The following GRIK1 variants were observed in gnomAD, a reference collection of about 807,000 sequenced individuals.
GRIK1 encodes the protein glutamate ionotropic receptor kainate type subunit 1.
In GRIK1, 69 loss-of-function variants were observed where a neutral mutation model predicts 105.7. That is an observed-to-expected ratio of 0.65 (90% CI 0.54 to 0.80). The LOEUF is 0.80. Among genes scored for constraint, GRIK1 ranks in the 30% least tolerant of loss-of-function variants. The probability of loss-of-function intolerance (pLI) is 0.00; values close to 1 mark genes in which losing one functional copy is unlikely to be tolerated. For missense variants in GRIK1, 1,109 were observed against 1,167.3 expected, an observed-to-expected ratio of 0.95 and a Z score of 0.73; for synonymous variants, 438 against 431.3, an observed-to-expected ratio of 1.02 and a Z score of -0.19.
intron 7 of GRIK1, among the ~76,000 whole-genome samples, chr21:29,612,160 C>T (rs371707351): frequency 1.3e-4 from 20 of 152,316 alleles, no homozygotes; most frequent in South Asian, 1.0e-3. Context: ...TGACACATAG[C>T]GTTCTATTTG....
At chr21:29,585,371 T>G (rs1308551602) in intron 12 of GRIK1, among the ~76,000 whole-genome samples, 1 of 152,126 alleles carries the variant, frequency 6.6e-6, no homozygotes, top group Non-Finnish European at 1.5e-5. Flanking sequence ...ATAAGGAGAT[T>G]TAAGCGCACA....
intron 1 of GRIK1, among the ~76,000 whole-genome samples, chr21:29,747,744 G>T (rs1024735544): frequency 1.3e-5 from 2 of 152,164 alleles, no homozygotes; most frequent in Admixed American, 6.5e-5. Flanking sequence ...CAGGAGAATC[G>T]CTTGAACCTG....
At chr21:29,696,456 CTG>C (rs981713291) in intron 1 of GRIK1, among the ~76,000 whole-genome samples, 1 of 152,184 alleles carries the variant, frequency 6.6e-6, no homozygotes, top group African/African-American at 2.4e-5. Flanking sequence ...GGGAGAGACT[CTG>C]GAGTTGATTT....
chr21:29,678,604 C>T (rs572034926), intron 3 of GRIK1, among the ~76,000 whole-genome samples: 2 of 151,830 alleles, frequency 1.3e-5, no homozygotes, highest in South Asian at 4.2e-4. Context: ...GTCAAAGAAC[C>T]GAGGTGGGAG....
At chr21:29,740,615 A>G (rs2064903700) in intron 1 of GRIK1, among the ~76,000 whole-genome samples, 1 of 152,226 alleles carries the variant, frequency 6.6e-6, no homozygotes. Context: ...CTGCCAGAGC[A>G]ATGTCTTTGA....
chr21:29,916,844 A>G (rs2071017847), intron 1 of GRIK1, among the ~76,000 whole-genome samples: 2 of 151,966 alleles, frequency 1.3e-5, no homozygotes, highest in South Asian at 4.1e-4. Context: ...GTTGCATACT[A>G]AAAGGAGGAT....
intron 1 of GRIK1, among the ~76,000 whole-genome samples, chr21:29,835,935 C>T (rs1284331235): frequency 6.6e-6 from 1 of 152,128 alleles, no homozygotes; most frequent in Non-Finnish European, 1.5e-5. Flanking sequence ...TTTGTTTTCC[C>T]CAACCACGCA....
At chr21:29,638,603 G>A (rs150843616) in intron 7 of GRIK1, among the ~76,000 whole-genome samples, 63 of 152,268 alleles carry the variant, frequency 4.1e-4, no homozygotes, top group African/African-American at 1.4e-3. Context: ...ACATAAATAT[G>A]TCAAAGAAAC....
chr21:29,836,638 A>C (rs1163477851), intron 1 of GRIK1, among the ~76,000 whole-genome samples: 1 of 152,204 alleles, frequency 6.6e-6, no homozygotes, highest in East Asian at 1.9e-4. Context: ...TATTTAATAG[A>C]TAATGCACAC....
At chr21:29,686,703 C>T (rs1270830833) in intron 3 of GRIK1, among the ~76,000 whole-genome samples, 2 of 152,206 alleles carry the variant, frequency 1.3e-5, no homozygotes, top group Non-Finnish European at 1.5e-5. Flanking sequence ...ACCCCCATGG[C>T]CATAAAGCCT....
At chr21:29,852,787 C>T (rs2068348069) in intron 1 of GRIK1, among the ~76,000 whole-genome samples, 1 of 152,154 alleles carries the variant, frequency 6.6e-6, no homozygotes, top group Non-Finnish European at 1.5e-5. Flanking sequence ...TCCATCTTGG[C>T]ACTTGTGTCA....
At chr21:29,702,600 ACTCAGGAAGCTGAGGCAGGAGAATCG>A (rs2063832899) in intron 1 of GRIK1, among the ~76,000 whole-genome samples, 1 of 152,180 alleles carries the variant, frequency 6.6e-6, no homozygotes, top group Admixed American at 6.5e-5. Flanking sequence ...AATCCCAGCC[ACTCAGGAAGCTGAGGCAGGAGAATCG>A]CTTGAACTTG....
At chr21:29,788,571 A>G (rs1268312982) in intron 1 of GRIK1, among the ~76,000 whole-genome samples, 1 of 152,190 alleles carries the variant, frequency 6.6e-6, no homozygotes, top group Non-Finnish European at 1.5e-5. Context: ...TGGACCAAGG[A>G]GAGTGGGGAA....
At chr21:29,763,878 ACT>A (rs771499359) in intron 1 of GRIK1, 3 of 152,198 alleles carry the variant, frequency 2.0e-5, no homozygotes, top group Non-Finnish European at 4.4e-5. Context: ...ACTCTGGCAT[ACT>A]CTCTCAGTGT....
intron 7 of GRIK1, among the ~76,000 whole-genome samples, chr21:29,624,494 A>G (rs2062077795): frequency 6.6e-6 from 1 of 152,194 alleles, no homozygotes. Context: ...TTTAATATGG[A>G]ATCAATAAAA....
chr21:29,891,877 A>G (rs1168333056), intron 1 of GRIK1, among the ~76,000 whole-genome samples: 1 of 152,232 alleles, frequency 6.6e-6, no homozygotes, highest in Non-Finnish European at 1.5e-5. Context: ...TACAGTTTTG[A>G]TTGTCCACAC....
At chr21:29,679,872 T>C (rs1391705668) in intron 3 of GRIK1, among the ~76,000 whole-genome samples, 1 of 152,226 alleles carries the variant, frequency 6.6e-6, no homozygotes, top group African/African-American at 2.4e-5. Context: ...TTATCCTCCA[T>C]TTAAAAATAA....
At chr21:29,878,269 T>C (rs911426989) in intron 1 of GRIK1, among the ~76,000 whole-genome samples, 5 of 152,096 alleles carry the variant, frequency 3.3e-5, no homozygotes, top group Non-Finnish European at 5.9e-5. Context: ...CAAGGGTTAA[T>C]AAGGAAGTGA....
At chr21:29,650,532 G>T (rs569068240) in intron 6 of GRIK1, among the ~76,000 whole-genome samples, 1 of 152,172 alleles carries the variant, frequency 6.6e-6, no homozygotes, top group Non-Finnish European at 1.5e-5. Flanking sequence ...GAGGCAGTTC[G>T]CAATGTATCT....
Sources: allele counts gnomAD v4.1 joint callset (sites outside exome capture counted in the v4.1 genomes callset), GRCh38; gene constraint gnomAD v4.1.1; transcripts MANE v1.5; gene names NCBI Gene and HGNC (gene_info 2026-07-23, HGNC 2026-07-21).